EPHA7: variants seen among roughly 807,000 people sequenced by gnomAD.
EPHA7 encodes EPH receptor A7.
Under a neutral mutation model 112.6 loss-of-function variants are expected in EPHA7, and 25 were observed. That is an observed-to-expected ratio of 0.22 (90% CI 0.16 to 0.31). The LOEUF is 0.31. Among genes scored for constraint, EPHA7 ranks in the 10% least tolerant of loss-of-function variants. The probability of loss-of-function intolerance (pLI) is 1.00; values close to 1 mark genes in which losing one functional copy is unlikely to be tolerated. For synonymous variants in EPHA7, 437 were observed against 406.5 expected, an observed-to-expected ratio of 1.07 and a Z score of -0.90; for missense variants, 962 against 1,212.6, an observed-to-expected ratio of 0.79 and a Z score of 3.07.
intron 5 of EPHA7, among the ~76,000 whole-genome samples, chr6:93,299,041 G>C (rs1772824344): frequency 6.6e-6 from 1 of 151,996 alleles, no homozygotes; most frequent in African/African-American, 2.4e-5. Flanking sequence ...ATGAAAAAAA[G>C]CTCAGCCGGG....
intron 5 of EPHA7, among the ~76,000 whole-genome samples, chr6:93,304,064 T>C (rs1773128989): frequency 6.6e-6 from 1 of 151,884 alleles, no homozygotes; most frequent in Non-Finnish European, 1.5e-5. Context: ...ATTGGACATT[T>C]CTCTGACTAA....
intron 5 of EPHA7, among the ~76,000 whole-genome samples, chr6:93,342,595 T>G (rs899009108): frequency 6.6e-6 from 1 of 151,800 alleles, no homozygotes; most frequent in Non-Finnish European, 1.5e-5. Flanking sequence ...GTATTTTACA[T>G]TGTCATTATT....
chr6:93,392,913 T>C (rs889220722), intron 3 of EPHA7, among the ~76,000 whole-genome samples: 5 of 151,790 alleles, frequency 3.3e-5, no homozygotes, highest in African/African-American at 7.2e-5. Context: ...TCTTTGAAAA[T>C]GAATAGAAAC....
intron 15 of EPHA7, 148 bp downstream of exon 15, chr6:93,246,644 A>C (rs576159287): frequency 3.4e-6 from 2 of 587,878 alleles, no homozygotes; most frequent in South Asian, 9.9e-5. Context: ...AAAAGAAAAA[A>C]ATAAACTTCA....
chr6:93,390,371 A>C (rs1371386548), intron 3 of EPHA7, among the ~76,000 whole-genome samples: 1 of 151,896 alleles, frequency 6.6e-6, no homozygotes, highest in Admixed American at 6.6e-5. Flanking sequence ...AATTTGAAGT[A>C]GGTCAGAAAC....
At chr6:93,379,092 GA>G (rs1367067383) in intron 3 of EPHA7, among the ~76,000 whole-genome samples, 1 of 151,992 alleles carries the variant, frequency 6.6e-6, no homozygotes, top group Non-Finnish European at 1.5e-5. Context: ...ACAAGAAAAA[GA>G]AATACGTTAG....
At chr6:93,405,029 T>C (rs1454573034) in intron 3 of EPHA7, among the ~76,000 whole-genome samples, 1 of 151,880 alleles carries the variant, frequency 6.6e-6, no homozygotes, top group Non-Finnish European at 1.5e-5. Context: ...CCTGGTTACT[T>C]AGAACTTAAA....
intron 3 of EPHA7, among the ~76,000 whole-genome samples, chr6:93,385,414 G>T (rs621890): frequency 0.28 from 42,217 of 151,780 alleles, 7,277 homozygotes; most frequent in African/African-American, 0.49. Flanking sequence ...TTTAACTCCC[G>T]CAAAACTTGT....
intron 3 of EPHA7, among the ~76,000 whole-genome samples, chr6:93,377,325 C>T (rs1442928569): frequency 1.3e-5 from 2 of 151,888 alleles, no homozygotes; most frequent in Admixed American, 1.3e-4. Flanking sequence ...TACTTCTAGG[C>T]TCCAGGTATG....
chr6:93,320,174 T>C (rs1031170730), intron 5 of EPHA7, among the ~76,000 whole-genome samples: 8 of 152,062 alleles, frequency 5.3e-5, no homozygotes, highest in Admixed American at 5.3e-4. Flanking sequence ...AACCTCCTTG[T>C]GAAACTGTAG....
At chr6:93,282,016 T>A (rs1771767767) in intron 5 of EPHA7, among the ~76,000 whole-genome samples, 2 of 152,088 alleles carry the variant, frequency 1.3e-5, no homozygotes, top group South Asian at 4.1e-4. Context: ...TGTCACTATG[T>A]GCTTAAGTAA....
Position 93,366,010 on chromosome 6 carries a change from T to C in EPHA7, c.833-7599A>G, listed in dbSNP as rs577420589. ...TAAAATGAAATAAAACAAAGCATTA[T>C]GTGAACACATCTTTACTTAAATTTT... is the stretch of plus-strand genomic sequence containing the variant. On this transcript the variant is annotated intron_variant, in intron 3 of 16. Coordinates refer to ENST00000369303, the MANE Select transcript of EPHA7 (RefSeq NM_004440.4). 3.3e-5 allele frequency among the ~76,000 whole-genome samples: 5 copies of C among 152,290 alleles called. No individual in the cohort carries two copies. The East Asian group carries it at 9.6e-4, about 29-fold the overall frequency.
chr6:93,341,542 A>C (rs552437801), intron 5 of EPHA7, among the ~76,000 whole-genome samples: 1 of 151,908 alleles, frequency 6.6e-6, no homozygotes, highest in African/African-American at 2.4e-5. Flanking sequence ...AGAAAGTTAT[A>C]GAAAACAGAG....
intron 3 of EPHA7, among the ~76,000 whole-genome samples, chr6:93,402,549 T>A (rs1157823841): frequency 6.6e-6 from 1 of 152,008 alleles, no homozygotes; most frequent in African/African-American, 2.4e-5. Flanking sequence ...TTTGAGTTTC[T>A]GAATGTGAAT....
rs115229270 is a variant in EPHA7 at position 93,413,532 on chromosome 6, T to C, written c.162+1171A>G. The stretch of plus-strand genomic sequence containing the variant: ...ATTTTTTATCATGAATGGCTGTCTA[T>C]AATGTATATTATTTTACTTACAGAA... On this transcript the variant is annotated intron_variant, in intron 2 of 16. Coordinates refer to ENST00000369303, the MANE Select transcript of EPHA7 (RefSeq NM_004440.4). 6.3e-3 allele frequency among the ~76,000 whole-genome samples: 957 copies of C among 152,002 alleles called. 10 individuals carry two copies. Among genetic ancestry groups the C allele is most frequent in the African/African-American group, 0.022 (905 of 41,546 alleles).
In EPHA7 at chr6:93,371,169, GA is replaced by G. The variant is rs1443036182; in HGVS notation, c.833-12759del. On this transcript the variant is annotated intron_variant, in intron 3 of 16. Transcript: ENST00000369303. Reference sequence around the variant, plus strand: ...ACAGAGTGAGACTCTGTCTCAAAAAGAAAAAAAAAAAGAAAAAGCACAGTCA... The same window carrying G: ...ACAGAGTGAGACTCTGTCTCAAAAAGAAAAAAAAAAGAAAAAGCACAGTCA... Among the ~76,000 whole-genome samples the G allele has an allele frequency of 2.7e-3, 335 of 124,980 alleles. 3 individuals are homozygous for G. Among genetic ancestry groups the G allele is most frequent in the African/African-American group, 8.7e-3 (293 of 33,798 alleles). The allele number at this position is 124,980 out of a possible 152,430, so 82.0% of individuals were successfully genotyped here. A position where few individuals can be genotyped will look rare whatever the true frequency, so the allele number is the denominator to read the frequency against.
intron 3 of EPHA7, among the ~76,000 whole-genome samples, chr6:93,379,585 A>C (rs1777233446): frequency 6.6e-6 from 1 of 152,062 alleles, no homozygotes; most frequent in Non-Finnish European, 1.5e-5. Context: ...TGGAAACATA[A>C]AATACGTGGA....
intron 5 of EPHA7, among the ~76,000 whole-genome samples, chr6:93,279,591 T>C (rs1018739318): frequency 1.3e-5 from 2 of 152,130 alleles, no homozygotes; most frequent in African/African-American, 4.8e-5. Context: ...GGTTTTGCTT[T>C]AGAAAAGAAA....
intron 3 of EPHA7, among the ~76,000 whole-genome samples, chr6:93,404,688 G>A (rs1003757194): frequency 6.7e-6 from 1 of 149,646 alleles, no homozygotes; most frequent in Admixed American, 6.7e-5. Context: ...TACTTCTCAC[G>A]GTAAGAGTAT....
Sources: allele counts gnomAD v4.1 joint callset (sites outside exome capture counted in the v4.1 genomes callset), GRCh38; gene constraint gnomAD v4.1.1; transcripts MANE v1.5; gene names NCBI Gene and HGNC (gene_info 2026-07-23, HGNC 2026-07-21).